COL26A1: variants seen among roughly 807,000 people sequenced by gnomAD.
COL26A1 encodes collagen alpha-1(XXVI) chain.
Under a neutral mutation model 59.3 loss-of-function variants are expected in COL26A1, and 41 were observed. The observed-to-expected ratio is 0.69, with a 90% CI of 0.54 to 0.90. The LOEUF (loss-of-function observed/expected upper bound fraction) is 0.90, where lower values mean the gene tolerates loss of function less well. Ranked by LOEUF, COL26A1 falls within the 40% of genes least tolerant of loss-of-function variation. COL26A1 has a pLI of 0.00. For synonymous variants in COL26A1, 266 were observed against 256.0 expected (o/e 1.04, Z -0.37); for missense variants, 612 against 602.3 (o/e 1.02, Z -0.17).
intron 1 of COL26A1, among the ~76,000 whole-genome samples, chr7:101,365,139 C>G (rs1314874858): frequency 2.0e-5 from 3 of 152,126 alleles, no homozygotes; most frequent in Admixed American, 6.6e-5. Flanking sequence ...AATACTTACC[C>G]GGGGCTTCTA....
At chr7:101,543,855 T>A in intron 5 of COL26A1, 143 bp from the exon 6 acceptor site, 1 of 576,864 alleles carries the variant, frequency 1.7e-6, no homozygotes, top group Non-Finnish European at 3.2e-6. Context: ...CAAGGTGATG[T>A]GAGTGCCTTT....
At chr7:101,458,455 G>A (rs1257710724) in intron 3 of COL26A1, among the ~76,000 whole-genome samples, 2 of 150,524 alleles carry the variant, frequency 1.3e-5, no homozygotes, top group African/African-American at 4.9e-5. Flanking sequence ...GGCCAACATG[G>A]TGAAACCTCG....
intron 11 of COL26A1, among the ~76,000 whole-genome samples, chr7:101,555,059 ACT>A (rs1215904370): frequency 6.6e-6 from 1 of 151,514 alleles, no homozygotes; most frequent in Non-Finnish European, 1.5e-5. Flanking sequence ...TCTGCTGCCA[ACT>A]CCCAGGGCTG....
At chr7:101,362,804 C>T, upstream of COL26A1, 1 of 536,582 alleles carries the variant, frequency 1.9e-6, no homozygotes, top group East Asian at 3.5e-5. Context: ...ACAAAAAAGC[C>T]CCACGCCCCC....
chr7:101,389,482 C>T (rs905691741), intron 1 of COL26A1, among the ~76,000 whole-genome samples: 1 of 150,952 alleles, frequency 6.6e-6, no homozygotes, highest in African/African-American at 2.4e-5. Context: ...GGGGCTCAAG[C>T]GATTCTCCTG....
rs151298356 is a variant in COL26A1 at position 101,535,752 on chromosome 7, G to C, written c.447+2609G>C. Among the ~76,000 whole-genome samples the C allele has an allele frequency of 8.7e-4, 133 of 152,320 alleles. No individual in the cohort carries two copies. In the East Asian group the frequency reaches 0.017, roughly 19 times the overall value. On this transcript the variant is annotated intron_variant, in intron 4 of 12. Coordinates refer to ENST00000313669, the MANE Select transcript of COL26A1 (RefSeq NM_001278563.3). Reference sequence around the variant, plus strand: ...AGCCCTTCCCTCTGGATCTCAGTCGGATGGCCTGGAAAATGGAAATTGGAG... The same window carrying C: ...AGCCCTTCCCTCTGGATCTCAGTCGCATGGCCTGGAAAATGGAAATTGGAG...
intron 2 of COL26A1, 62 bp downstream of exon 2, chr7:101,420,161 C>G: frequency 1.9e-6 from 3 of 1,589,954 alleles, no homozygotes; most frequent in Non-Finnish European, 2.6e-6. Flanking sequence ...CAAAACCAGT[C>G]CCAGGATGGC....
At chr7:101,445,429 T>C (rs1357971913) in intron 2 of COL26A1, among the ~76,000 whole-genome samples, 3 of 151,722 alleles carry the variant, frequency 2.0e-5, no homozygotes, top group African/African-American at 4.8e-5. Context: ...TGAAGGCAAA[T>C]TGGGATTAAG....
At chr7:101,554,587 A>G (rs1364785846) in intron 11 of COL26A1, among the ~76,000 whole-genome samples, 1 of 138,286 alleles carries the variant, frequency 7.2e-6, no homozygotes, top group Non-Finnish European at 1.6e-5. Context: ...AAAAAAAAAA[A>G]AAAGTAATGA....
At chr7:101,406,034 C>A (rs1228275950) in intron 1 of COL26A1, among the ~76,000 whole-genome samples, 1 of 152,138 alleles carries the variant, frequency 6.6e-6, no homozygotes, top group African/African-American at 2.4e-5. Context: ...ACTCCCGGAG[C>A]CCCTCTCCCT....
intron 3 of COL26A1, among the ~76,000 whole-genome samples, chr7:101,476,933 G>C (rs1011140681): frequency 4.7e-5 from 7 of 147,544 alleles, no homozygotes; most frequent in African/African-American, 1.5e-4. Flanking sequence ...AACCTCCTCT[G>C]CCTGGGTTCA....
intron 1 of COL26A1, among the ~76,000 whole-genome samples, chr7:101,413,490 G>A (rs1332522751): frequency 6.6e-6 from 1 of 151,528 alleles, no homozygotes; most frequent in Non-Finnish European, 1.5e-5. Flanking sequence ...TCGCACTCCA[G>A]CCTGGGCCAC....
chr7:101,363,629 GTT>G (rs1790964153), intron 1 of COL26A1, among the ~76,000 whole-genome samples: 2 of 132,662 alleles, frequency 1.5e-5, no homozygotes, highest in African/African-American at 7.4e-5. Flanking sequence ...GGGCTGCGGG[GTT>G]GCGGGGGCTG....
chr7:101,440,534 G>T (rs576143531), intron 2 of COL26A1, among the ~76,000 whole-genome samples: 2 of 152,292 alleles, frequency 1.3e-5, no homozygotes, highest in East Asian at 3.9e-4. Flanking sequence ...TGAGACTCAG[G>T]GGGGCTACCA....
chr7:101,395,476 C>T (rs1016832582), intron 1 of COL26A1, among the ~76,000 whole-genome samples: 4 of 152,198 alleles, frequency 2.6e-5, no homozygotes, highest in East Asian at 1.9e-4. Context: ...GCAGGCCCTC[C>T]GCCCTGGTAG....
chr7:101,557,340 C>G, intron 12 of COL26A1, 30 bp from the exon 13 acceptor site: 3 of 1,596,880 alleles, frequency 1.9e-6, no homozygotes, highest in Non-Finnish European at 2.6e-6. Flanking sequence ...AAGGCTCTAC[C>G]TCGAGTCCAC....
Position 101,551,157 on chromosome 7 carries a change from G to A in COL26A1, c.1029+14G>A. ...GTGGGGCCGTCCGTAAGTGTGGGCTGTGCAGATGGGCCTGGGCCACTCCCA... is the reference window on the plus strand; with the variant it reads ...GTGGGGCCGTCCGTAAGTGTGGGCTATGCAGATGGGCCTGGGCCACTCCCA... On this transcript the variant is annotated intron_variant, in intron 10 of 12. Transcript: ENST00000313669. 1 of 1,555,978 alleles carries A rather than the reference G, an allele frequency of 6.4e-7. No homozygotes were observed.
At chr7:101,498,997 C>A (rs868126363) in intron 3 of COL26A1, among the ~76,000 whole-genome samples, 2 of 152,210 alleles carry the variant, frequency 1.3e-5, no homozygotes, top group Admixed American at 6.5e-5. Flanking sequence ...TTGGAGCTCA[C>A]GTTCCCTGAA....
chr7:101,550,362 G>A (rs1242359457), intron 9 of COL26A1, among the ~76,000 whole-genome samples: 1 of 152,088 alleles, frequency 6.6e-6, no homozygotes, highest in Non-Finnish European at 1.5e-5. Flanking sequence ...TTGGGAGGCT[G>A]AGATGGGAGG....
Sources: gnomAD v4.1 joint callset for allele counts (sites outside exome capture counted in the v4.1 genomes callset) on GRCh38, gnomAD v4.1.1 for gene constraint, MANE v1.5 for transcripts, NCBI Gene and HGNC (gene_info 2026-07-23, HGNC 2026-07-21) for gene names.